The following POLR3B variants were observed in gnomAD, a reference collection of about 807,000 sequenced individuals.
POLR3B encodes DNA-directed RNA polymerase III subunit RPC2.
In POLR3B, 96 loss-of-function variants were observed where a neutral mutation model predicts 147.4. The ratio of observed to expected loss-of-function variants is 0.65; its 90% confidence interval spans 0.55 to 0.77. POLR3B has a LOEUF of 0.77. Ranked by LOEUF, POLR3B falls within the 30% of genes least tolerant of loss-of-function variation. POLR3B has a pLI of 0.00. For synonymous variants in POLR3B, 461 were observed against 485.9 expected (o/e 0.95, Z 0.67); for missense variants, 1,036 against 1,413.5 (o/e 0.73, Z 4.28).
At position 106,366,690 on chromosome 12, in the gene POLR3B, T is replaced by A; in HGVS notation, c.195T>A (p.Val65=). The change falls in exon 4 of 28, where the codon GTT becomes GTA. Residue 65 remains valine, a synonymous_variant. Transcript: ENST00000228347. ...IKKIMKANEK[V]TSDADPMWYL... ...AGATAATGAAAGCCAATGAAAAGGT[T>A]ACAAGTGACGCTGACCCTATGTGGT... is the stretch of plus-strand genomic sequence containing the variant. 1.2e-6 allele frequency: 2 copies of A among 1,613,908 alleles called. No individual in the cohort carries two copies. The highest frequency in any genetic ancestry group is 1.7e-6 in the Non-Finnish European group (2 of 1,179,798).
At chr12:106,494,607 C>T (rs1348453876) in intron 23 of POLR3B, among the ~76,000 whole-genome samples, 1 of 152,120 alleles carries the variant, frequency 6.6e-6, no homozygotes, top group Non-Finnish European at 1.5e-5. Flanking sequence ...CCCAGTAGCC[C>T]TAGGGTTTTG....
rs1167082359 is a variant in POLR3B, at chr12:106,398,431, A to C, written c.846+5278A>C. The stretch of plus-strand genomic sequence containing the variant: ...GCAGGGCACAGACAAACAAAAAGAC[A>C]GCAGTAACCTCTGCAGACTTAAATG... On this transcript the variant is annotated intron_variant, in intron 10 of 27. Transcript: ENST00000228347. Among the ~76,000 whole-genome samples the C allele has an allele frequency of 6.6e-5, 10 of 152,346 alleles. No individual in the cohort carries two copies. In the South Asian group the frequency reaches 2.1e-3, roughly 32 times the overall value.
intron 11 of POLR3B, among the ~76,000 whole-genome samples, chr12:106,406,653 G>A (rs1027279239): frequency 3.3e-5 from 5 of 152,164 alleles, no homozygotes; most frequent in Non-Finnish European, 5.9e-5. Flanking sequence ...CAGCTGGTTA[G>A]TGGTAAGAGT....
intron 19 of POLR3B, among the ~76,000 whole-genome samples, chr12:106,448,168 T>A (rs1040498985): frequency 6.6e-6 from 1 of 152,112 alleles, no homozygotes; most frequent in Admixed American, 6.5e-5. Flanking sequence ...GGTTAAAAGT[T>A]TTTTTAATTA....
chr12:106,401,546 T>C (rs1319874679), intron 10 of POLR3B, among the ~76,000 whole-genome samples: 3 of 152,168 alleles, frequency 2.0e-5, no homozygotes, highest in African/African-American at 7.2e-5. Context: ...TGATGAACAT[T>C]GATGCAAAAA....
chr12:106,490,211 C>A (rs956389909), intron 23 of POLR3B, among the ~76,000 whole-genome samples: 2 of 152,150 alleles, frequency 1.3e-5, no homozygotes, highest in Non-Finnish European at 2.9e-5. Flanking sequence ...AATTCTGTTT[C>A]CAAATAGTGT....
intron 23 of POLR3B, among the ~76,000 whole-genome samples, chr12:106,472,389 G>T (rs1418512650): frequency 4.6e-5 from 7 of 150,760 alleles, no homozygotes; most frequent in Admixed American, 4.6e-4. Flanking sequence ...GTAATGGGAT[G>T]GCTGGGTCAA....
At chr12:106,482,256 TA>T (rs900160183) in intron 23 of POLR3B, among the ~76,000 whole-genome samples, 1 of 152,200 alleles carries the variant, frequency 6.6e-6, no homozygotes, top group Non-Finnish European at 1.5e-5. Flanking sequence ...ATAGTTTTTT[TA>T]AAAAATAATT....
intron 19 of POLR3B, among the ~76,000 whole-genome samples, chr12:106,451,134 G>T (rs2037788451): frequency 6.6e-6 from 1 of 152,076 alleles, no homozygotes; most frequent in African/African-American, 2.4e-5. Context: ...ATACAGAACA[G>T]ATCAGTGGTC....
In POLR3B at chr12:106,509,585, T is replaced by C; in HGVS notation, c.*36T>C. On this transcript the variant is annotated 3_prime_UTR_variant, in exon 28 of 28. Coordinates refer to ENST00000228347, the MANE Select transcript of POLR3B (RefSeq NM_018082.6). The stretch of plus-strand genomic sequence containing the variant: ...AATGATTATTAAAGAGAACAAGTGA[T>C]ACATCCAATGCAACGGAAAGCAGAA... 6 of 1,584,364 alleles carry C rather than the reference T, an allele frequency of 3.8e-6. No homozygotes were observed. In the South Asian group the frequency reaches 5.5e-5, roughly 15 times the overall value.
chr12:106,451,239 A>G (rs1422813147), intron 19 of POLR3B, among the ~76,000 whole-genome samples: 2 of 152,060 alleles, frequency 1.3e-5, no homozygotes, highest in African/African-American at 4.8e-5. Context: ...TTATAGTGCA[A>G]CCTTGATAAA....
At position 106,509,442 on chromosome 12, in the gene POLR3B, T is replaced by C; in HGVS notation, c.3295T>C (p.Cys1099Arg). The change falls in exon 28 of 28, where the codon TGC becomes CGC. Residue 1099 changes from cysteine to arginine, a missense_variant. Transcript: ENST00000228347. The stretch of plus-strand genomic sequence containing the variant: ...CAGGTGCCATTACTGCAAGTCATCC[T>C]GCCACGTGTCTTCCCTCCGTATTCC... ...SGWCHYCKSS[C>R]HVSSLRIPYA... The C allele has an allele frequency of 6.2e-7, 1 of 1,613,976 alleles. No homozygotes were observed. The highest frequency in any genetic ancestry group is 8.5e-7 in the Non-Finnish European group (1 of 1,179,850).
intron 6 of POLR3B, among the ~76,000 whole-genome samples, chr12:106,372,974 C>G (rs976366443): frequency 3.9e-5 from 6 of 152,104 alleles, no homozygotes; most frequent in African/African-American, 1.4e-4. Flanking sequence ...TAAGATTTCC[C>G]AATTGGTGCT....
chr12:106,423,265 A>G (rs749244490), intron 12 of POLR3B, among the ~76,000 whole-genome samples: 5 of 152,196 alleles, frequency 3.3e-5, no homozygotes, highest in Non-Finnish European at 5.9e-5. Context: ...TCATTTCATT[A>G]TCTCAGATGT....
At position 106,437,681 on chromosome 12, in the gene POLR3B, G is replaced by A. The variant is rs1298563171; in HGVS notation, c.1857G>A (p.Arg619=). 2 of 1,558,410 alleles carry A rather than the reference G, an allele frequency of 1.3e-6. No individual in the cohort carries two copies. Among genetic ancestry groups the A allele is most frequent in the East Asian group, 2.2e-5 (1 of 44,490 alleles). ...KHMEELAQGY[R]NFEDFLHESL... ...GTCTCTTTCACCAATATTTTCCCAG[G>A]AATTTTGAAGATTTCTTACATGAGA... Residue 619 remains arginine (R), a splice_region_variant and synonymous_variant, in exon 18 of 28, where the codon AGG becomes AGA. Coordinates refer to ENST00000228347, the MANE Select transcript of POLR3B (RefSeq NM_018082.6).
At chr12:106,463,409 T>C in intron 22 of POLR3B, 69 bp from the exon 23 acceptor site, 2 of 1,374,658 alleles carry the variant, frequency 1.5e-6, no homozygotes, top group Non-Finnish European at 2.1e-6. Context: ...AAATGAAATA[T>C]AACATGGGTG....
At chr12:106,413,653 TA>T (rs1185410884) in intron 12 of POLR3B, among the ~76,000 whole-genome samples, 1 of 152,036 alleles carries the variant, frequency 6.6e-6, no homozygotes, top group Non-Finnish European at 1.5e-5. Flanking sequence ...GAATTTCTTT[TA>T]TTTTTTTTTT....
At chr12:106,444,069 C>A (rs1362761319) in intron 18 of POLR3B, among the ~76,000 whole-genome samples, 1 of 152,180 alleles carries the variant, frequency 6.6e-6, no homozygotes, top group Non-Finnish European at 1.5e-5. Flanking sequence ...GATCCACCTG[C>A]CTCGGCCTCT....
At chr12:106,365,345 G>A (rs1363247274) in intron 2 of POLR3B, among the ~76,000 whole-genome samples, 2 of 152,066 alleles carry the variant, frequency 1.3e-5, no homozygotes, top group African/African-American at 4.8e-5. Context: ...CTAAGTTGGG[G>A]AGTGACCAAG....
Sources: allele counts gnomAD v4.1 joint callset (sites outside exome capture counted in the v4.1 genomes callset), GRCh38; gene constraint gnomAD v4.1.1; transcripts MANE v1.5; gene names NCBI Gene and HGNC (gene_info 2026-07-23, HGNC 2026-07-21).